ZBTB20: variants seen among roughly 807,000 people sequenced by gnomAD.
The protein encoded by ZBTB20 is zinc finger and BTB domain containing 20.
Under a neutral mutation model 56.9 loss-of-function variants are expected in ZBTB20, and 9 were observed. That is an observed-to-expected ratio of 0.16 (90% CI 0.10 to 0.28). The LOEUF (loss-of-function observed/expected upper bound fraction) is 0.28. ZBTB20 is among the 10% of genes least tolerant of loss of function. The probability of loss-of-function intolerance (pLI) is 1.00; values close to 1 mark genes in which losing one functional copy is unlikely to be tolerated. For synonymous variants in ZBTB20, 417 were observed against 420.7 expected, an observed-to-expected ratio of 0.99 and a Z score of 0.11; for missense variants, 655 against 1,003.0, an observed-to-expected ratio of 0.65 and a Z score of 4.69.
At chr3:114,762,703 G>A (rs1391583963) in intron 5 of ZBTB20, among the ~76,000 whole-genome samples, 2 of 152,110 alleles carry the variant, frequency 1.3e-5, no homozygotes, top group East Asian at 3.9e-4. Context: ...CTAACCTAGT[G>A]GCACCTCCTG....
rs1255182450 is a variant in ZBTB20, at chr3:114,336,722, GCA to G, written c.*2281_*2282del. 1 of 152,186 alleles carries G rather than the reference GCA, an allele frequency of 6.6e-6. No homozygotes were observed. Among genetic ancestry groups the G allele is most frequent in the Admixed American group, 6.5e-5 (1 of 15,274 alleles). The allele number at this position is 152,186 out of a possible 1,614,324, so 9.4% of individuals were successfully genotyped here. On this transcript the variant is annotated 3_prime_UTR_variant, in exon 12 of 12. Coordinates refer to ENST00000675478, the MANE Select transcript of ZBTB20 (RefSeq NM_001348800.3). ...GTTGGAAGATTTTCCCTCGTTTGCT[GCA>G]CAGTTTTTGTAAATAAAATGCTGAC...
intron 5 of ZBTB20, among the ~76,000 whole-genome samples, chr3:114,749,359 C>T (rs1003708966): frequency 6.6e-6 from 1 of 152,070 alleles, no homozygotes; most frequent in Non-Finnish European, 1.5e-5. Context: ...TGAGACCAGC[C>T]TGGCCAACAT....
intron 7 of ZBTB20, among the ~76,000 whole-genome samples, chr3:114,395,440 T>C (rs1013937561): frequency 2.0e-5 from 3 of 152,146 alleles, no homozygotes; most frequent in African/African-American, 7.2e-5. Context: ...CCCTTAAAAC[T>C]CTAATAGTCC....
At chr3:114,606,240 T>G (rs981481716) in intron 6 of ZBTB20, among the ~76,000 whole-genome samples, 1 of 152,192 alleles carries the variant, frequency 6.6e-6, no homozygotes, top group Non-Finnish European at 1.5e-5. Context: ...ATTCAGTCCC[T>G]GTAATCAACT....
intron 3 of ZBTB20, among the ~76,000 whole-genome samples, chr3:114,967,517 T>C (rs2077693048): frequency 6.6e-6 from 1 of 152,200 alleles, no homozygotes; most frequent in Non-Finnish European, 1.5e-5. Context: ...CTACTTCAAA[T>C]GGTCTTCAAG....
At chr3:114,732,984 T>C (rs2065869993) in intron 5 of ZBTB20, among the ~76,000 whole-genome samples, 2 of 152,026 alleles carry the variant, frequency 1.3e-5, no homozygotes, top group Admixed American at 1.3e-4. Flanking sequence ...AAATCATACA[T>C]AAATGCTCCA....
intron 6 of ZBTB20, among the ~76,000 whole-genome samples, chr3:114,540,243 A>C (rs1437193778): frequency 6.6e-6 from 1 of 152,096 alleles, no homozygotes; most frequent in Non-Finnish European, 1.5e-5. Flanking sequence ...AGAAATACAA[A>C]CAACCATCAG....
chr3:114,623,235 T>A (rs2058442511), intron 6 of ZBTB20, among the ~76,000 whole-genome samples: 1 of 152,178 alleles, frequency 6.6e-6, no homozygotes, highest in African/African-American at 2.4e-5. Context: ...AAGAAGGATG[T>A]GGAAGGCACA....
chr3:114,871,110 C>A (rs2075991143), intron 4 of ZBTB20, among the ~76,000 whole-genome samples: 1 of 152,176 alleles, frequency 6.6e-6, no homozygotes. Context: ...TGACTACTGA[C>A]ATGAAATTAA....
intron 6 of ZBTB20, among the ~76,000 whole-genome samples, chr3:114,515,290 C>T (rs1041381342): frequency 3.9e-5 from 6 of 152,108 alleles, no homozygotes; most frequent in South Asian, 2.1e-4. Flanking sequence ...CCAGTCTGGA[C>T]GCCCATGGTT....
intron 2 of ZBTB20, among the ~76,000 whole-genome samples, chr3:114,988,893 T>A (rs1452645185): frequency 2.0e-5 from 3 of 152,254 alleles, no homozygotes; most frequent in African/African-American, 7.2e-5. Context: ...GCTGCATAAA[T>A]GTCTTCTTTT....
chr3:115,083,288 C>A (rs1190839526), intron 1 of ZBTB20, among the ~76,000 whole-genome samples: 1 of 151,898 alleles, frequency 6.6e-6, no homozygotes, highest in Non-Finnish European at 1.5e-5. Flanking sequence ...TTTTTCAATC[C>A]ATGTGCCCAT....
At chr3:115,005,662 T>C (rs760438361) in intron 2 of ZBTB20, among the ~76,000 whole-genome samples, 2 of 151,796 alleles carry the variant, frequency 1.3e-5, no homozygotes, top group Non-Finnish European at 2.9e-5. Context: ...ATCAAGGTGA[T>C]TCAGGACTTA....
At chr3:114,356,402 TTCTC>T (rs1207306302) in intron 10 of ZBTB20, among the ~76,000 whole-genome samples, 1 of 152,184 alleles carries the variant, frequency 6.6e-6, no homozygotes, top group Non-Finnish European at 1.5e-5. Flanking sequence ...ATCCAGTTCT[TTCTC>T]AATCAGGAGA....
intron 7 of ZBTB20, among the ~76,000 whole-genome samples, chr3:114,450,772 C>T (rs1366519279): frequency 3.3e-5 from 5 of 151,682 alleles, no homozygotes; most frequent in Admixed American, 6.6e-5. Flanking sequence ...TCTCTAAAGC[C>T]GAAAAAGAAA....
In ZBTB20 at chr3:114,732,097, T is replaced by G. The variant is rs555583051; in HGVS notation, c.-342-38522A>C. ...GGATCATGATACATTGTTTTATACT[T>G]TATTGCTTTAATAATCCATTCTAGA... On this transcript the variant is annotated intron_variant, in intron 5 of 11. Coordinates refer to ENST00000675478, the MANE Select transcript of ZBTB20 (RefSeq NM_001348800.3). 2.6e-5 allele frequency among the ~76,000 whole-genome samples: 4 copies of G among 152,304 alleles called. No individual in the cohort carries two copies. The South Asian group carries it at 8.3e-4, about 32-fold the overall frequency.
Position 114,821,059 on chromosome 3 carries a change from A to C in ZBTB20, c.-416-19885T>G, listed in dbSNP as rs181771574. Among the ~76,000 whole-genome samples the C allele has an allele frequency of 1.4e-3, 206 of 152,296 alleles. 5 individuals carry two copies. Among genetic ancestry groups the C allele is most frequent in the Admixed American group, 0.012 (182 of 15,294 alleles). ...GCGTTTTCACATTTCTTTTCCATGG[A>C]ATACCAACCTTGCCTAGTATTTTGC... On this transcript the variant is annotated intron_variant, in intron 4 of 11. Coordinates refer to ENST00000675478, the MANE Select transcript of ZBTB20 (RefSeq NM_001348800.3).
intron 5 of ZBTB20, among the ~76,000 whole-genome samples, chr3:114,761,905 T>G (rs183373028): frequency 6.6e-6 from 1 of 151,810 alleles, no homozygotes; most frequent in Admixed American, 6.6e-5. Flanking sequence ...TAGCCCAGAA[T>G]AGGTGTAAAA....
At position 114,946,794 on chromosome 3, in the gene ZBTB20, C is replaced by G. The variant is rs184023148; in HGVS notation, c.-456+27572G>C. On this transcript the variant is annotated intron_variant, in intron 3 of 11. Transcript: ENST00000675478. ...ACACCAAAAGCACAAGAAACCAAAA[C>G]AAAAACAGACAAATGGTACTTAATT... Among the ~76,000 whole-genome samples the G allele has an allele frequency of 2.3e-4, 33 of 145,282 alleles. 9 individuals carry two copies. The highest frequency in any genetic ancestry group is 9.3e-4 in the African/African-American group (33 of 35,630).
Sources: gnomAD v4.1 joint callset for allele counts (sites outside exome capture counted in the v4.1 genomes callset) on GRCh38, gnomAD v4.1.1 for gene constraint, MANE v1.5 for transcripts, NCBI Gene and HGNC (gene_info 2026-07-23, HGNC 2026-07-21) for gene names.